The following FAN1 variants were observed in gnomAD, a reference collection of about 807,000 sequenced individuals.
FAN1 encodes FANCD2 and FANCI associated nuclease 1, also known as fanconi-associated nuclease 1.
A neutral mutation model predicts 104.9 loss-of-function variants in FAN1; 91 were observed. That is an observed-to-expected ratio of 0.87 (90% CI 0.73 to 1.03). The LOEUF is 1.03. Ranked by LOEUF, FAN1 falls within the 50% of genes least tolerant of loss-of-function variation. The probability of loss-of-function intolerance (pLI) is 0.00; values close to 1 mark genes in which losing one functional copy is unlikely to be tolerated. For synonymous variants in FAN1, 478 were observed against 457.6 expected, an observed-to-expected ratio of 1.04 and a Z score of -0.57; for missense variants, 1,263 against 1,239.9, an observed-to-expected ratio of 1.02 and a Z score of -0.28.
At chr15:30,937,383 T>C in intron 14 of FAN1, 124 bp downstream of exon 14, 1 of 865,438 alleles carries the variant, frequency 1.2e-6, no homozygotes, top group South Asian at 1.9e-5. Context: ...TTTTACAGTG[T>C]CTGCATATCA....
rs1451725167 is a variant in FAN1 at position 30,942,631 on chromosome 15, A to T, written c.*1069A>T. 2.2e-6 allele frequency: 1 copy of T among 445,564 alleles called. No homozygotes were observed. The highest frequency in any genetic ancestry group is 2.0e-5 in the African/African-American group (1 of 49,820). The allele number at this position is 445,564 out of a possible 1,614,324, so 27.6% of individuals were successfully genotyped here. ...CGGCTTGAATCATCAAGAAATGGATAAATGGGGCTTTAGTAAATCAGGCTT... is the reference window on the plus strand; with the variant it reads ...CGGCTTGAATCATCAAGAAATGGATTAATGGGGCTTTAGTAAATCAGGCTT... On this transcript the variant is annotated 3_prime_UTR_variant, in exon 15 of 15. Coordinates refer to ENST00000362065, the MANE Select transcript of FAN1 (RefSeq NM_014967.5).
At chr15:30,938,920 G>T in intron 14 of FAN1, 2 of 985,260 alleles carry the variant, frequency 2.0e-6, no homozygotes, top group Non-Finnish European at 2.4e-6. Flanking sequence ...TCCAGTAGAT[G>T]ATTTCATACT....
upstream of FAN1, chr15:30,903,898 C>A (rs2061903339): frequency 6.5e-6 from 1 of 152,718 alleles, no homozygotes; most frequent in African/African-American, 2.4e-5. Context: ...GTGGGAGGTG[C>A]GAGGTGGCCG....
Position 30,907,808 on chromosome 15 carries a change from A to G in FAN1, c.1235-310A>G, listed in dbSNP as rs186989469. Among the ~76,000 whole-genome samples, 98 of 152,294 alleles carry G rather than the reference A, an allele frequency of 6.4e-4. 1 individual carries two copies. The highest frequency in any genetic ancestry group is 3.8e-3 in the Admixed American group (58 of 15,296). On this transcript the variant is annotated intron_variant, in intron 2 of 14. Transcript: ENST00000362065. ...TTTTTTTGGAAAATTATTTCAGATT[A>G]TTTTCGATCAAATCAGAATAATGCA...
chr15:30,905,426 C>T lies in FAN1; in HGVS notation c.763C>T (p.Pro255Ser). The T allele has an allele frequency of 5.6e-6, 9 of 1,614,130 alleles. No homozygotes were observed. Among genetic ancestry groups the T allele is most frequent in the Non-Finnish European group, 7.6e-6 (9 of 1,180,008 alleles). ...GGAATGTGAGAAATCAGCCCTCACCCCTGGATTCTCAGATAATGCGATCAT... is the reference window on the plus strand; with the variant it reads ...GGAATGTGAGAAATCAGCCCTCACCTCTGGATTCTCAGATAATGCGATCAT... ...TRECEKSALT[P>S]GFSDNAIMLF... is the part of the protein sequence containing the mutation. The change falls in exon 2 of 15, where the codon CCT becomes TCT. Residue 255 changes from proline (P) to serine (S), a missense_variant. Coordinates refer to ENST00000362065, the MANE Select transcript of FAN1 (RefSeq NM_014967.5).
At position 30,905,420 on chromosome 15, in the gene FAN1, C is replaced by G; in HGVS notation, c.757C>G (p.Leu253Val). The G allele has an allele frequency of 1.7e-5, 27 of 1,614,108 alleles. No homozygotes were observed. Among genetic ancestry groups the G allele is most frequent in the Non-Finnish European group, 2.3e-5 (27 of 1,179,990 alleles). ...KATRECEKSA[L>V]TPGFSDNAIM... ...TACCCGGGAATGTGAGAAATCAGCC[C>G]TCACCCCTGGATTCTCAGATAATGC... The change falls in exon 2 of 15, where the codon CTC (leucine) becomes GTC (valine). Residue 253 changes from leucine (L) to valine (V), a missense_variant. Transcript: ENST00000362065.
At chr15:30,928,347 C>T in intron 10 of FAN1, 1 of 1,312,398 alleles carries the variant, frequency 7.6e-7, no homozygotes, top group Admixed American at 3.7e-5. Context: ...GATTTTTGCC[C>T]TTAAGGCTCT....
In FAN1 at chr15:30,905,335, G is replaced by C; in HGVS notation, c.672G>C (p.Glu224Asp). ...TTAAATGTGATTCTCTAAAGGAAGA[G>C]TGCATTCCTGAACATATGGTAAGAG... ...NVFKCDSLKE[E>D]CIPEHMVRGS... Residue 224 changes from glutamate to aspartate, a missense_variant, in exon 2 of 15, where the codon GAG (glutamate) becomes GAC (aspartate). Physicochemically the swap from Glu to Asp is conservative, Grantham distance 45. This residue lies in a region of FAN1 where 682 missense variants were observed against 571.1 expected (regional missense o/e 1.19). Coordinates refer to ENST00000362065, the MANE Select transcript of FAN1 (RefSeq NM_014967.5). 1 of 1,613,798 alleles carries C rather than the reference G, an allele frequency of 6.2e-7. No individual in the cohort carries two copies. The highest frequency in any genetic ancestry group is 8.5e-7 in the Non-Finnish European group (1 of 1,179,798).
intron 13 of FAN1, among the ~76,000 whole-genome samples, chr15:30,934,482 TC>T (rs1347585213): frequency 6.6e-6 from 1 of 152,226 alleles, no homozygotes; most frequent in Admixed American, 6.5e-5. Context: ...AACTCTTTTG[TC>T]CCTTGTCTTT....
rs1566919066 is a variant in FAN1 at position 30,918,381 on chromosome 15, A to G, written c.1943+86A>G. On this transcript the variant is annotated intron_variant, in intron 6 of 14. Transcript: ENST00000362065. ...TACAGTAATTTTCTTCATGAAGAAT[A>G]TACTCCTTTTTCTCTGTGGTTAAAC... 8.7e-6 allele frequency: 12 copies of G among 1,374,534 alleles called. No homozygotes were observed. The East Asian group carries it at 1.6e-4, about 18-fold the overall frequency. 85.1% of individuals were successfully genotyped at this position (1,374,534 alleles called of 1,614,324 possible). A position where few individuals can be genotyped will look rare whatever the true frequency, so the allele number is the denominator to read the frequency against.
chr15:30,931,549 T>C (rs901768476), intron 13 of FAN1, among the ~76,000 whole-genome samples: 3 of 152,210 alleles, frequency 2.0e-5, no homozygotes, highest in Non-Finnish European at 2.9e-5. Context: ...AGAAGTGTTA[T>C]AGTTTTAGGT....
At chr15:30,936,481 T>C (rs1300618883) in intron 13 of FAN1, among the ~76,000 whole-genome samples, 1 of 152,140 alleles carries the variant, frequency 6.6e-6, no homozygotes. Context: ...AGTGCATGCT[T>C]TAAAACAATT....
intron 14 of FAN1, chr15:30,939,326 G>A (rs1428481920): frequency 2.2e-5 from 22 of 985,340 alleles, no homozygotes; most frequent in African/African-American, 5.2e-5. Context: ...CCCTCAGCAC[G>A]GGCTCTGCTG....
intron 8 of FAN1, among the ~76,000 whole-genome samples, chr15:30,924,897 C>T (rs199702887): frequency 3.3e-5 from 5 of 152,336 alleles, no homozygotes; most frequent in South Asian, 2.1e-4. Context: ...ACCTGGATTA[C>T]AGCCCGGTCA....
intron 11 of FAN1, 48 bp downstream of exon 11, chr15:30,928,704 G>A (rs1267439473): frequency 2.7e-5 from 44 of 1,611,254 alleles, no homozygotes; most frequent in South Asian, 5.5e-5. Flanking sequence ...GCACACATCC[G>A]TGGCTCACGC....
chr15:30,930,725 C>T (rs950724823), intron 13 of FAN1, 54 bp downstream of exon 13: 1 of 1,594,914 alleles, frequency 6.3e-7, no homozygotes, highest in African/African-American at 1.3e-5. Context: ...GCAACTGAAT[C>T]AGAGGCCACA....
chr15:30,915,083 G>T (rs759231520), intron 5 of FAN1, among the ~76,000 whole-genome samples: 2 of 152,144 alleles, frequency 1.3e-5, no homozygotes, highest in Admixed American at 6.5e-5. Flanking sequence ...AATGGATAAA[G>T]AAAATGTGGT....
Position 30,942,628 on chromosome 15 carries a change from G to A in FAN1, c.*1066G>A. 2.3e-6 allele frequency: 1 copy of A among 440,438 alleles called. No individual in the cohort carries two copies. The highest frequency in any genetic ancestry group is 3.5e-5 in the East Asian group (1 of 28,256). The allele number at this position is 440,438 out of a possible 1,614,324, so 27.3% of individuals were successfully genotyped here. A position where few individuals can be genotyped will look rare whatever the true frequency, so the allele number is the denominator to read the frequency against. Reference sequence around the variant, plus strand: ...TGGCGGCTTGAATCATCAAGAAATGGATAAATGGGGCTTTAGTAAATCAGG... The same window carrying A: ...TGGCGGCTTGAATCATCAAGAAATGAATAAATGGGGCTTTAGTAAATCAGG... On this transcript the variant is annotated 3_prime_UTR_variant, in exon 15 of 15. Coordinates refer to ENST00000362065, the MANE Select transcript of FAN1 (RefSeq NM_014967.5).
At chr15:30,910,496 G>T in intron 3 of FAN1, 118 bp from the exon 4 acceptor site, 1 of 584,832 alleles carries the variant, frequency 1.7e-6, no homozygotes, top group Non-Finnish European at 2.9e-6. Flanking sequence ...TTAATGATTG[G>T]TTTGGCCAAC....
Sources: allele counts gnomAD v4.1 joint callset (sites outside exome capture counted in the v4.1 genomes callset), GRCh38; gene constraint gnomAD v4.1.1; regional missense constraint gnomAD v4.1.1; transcripts MANE v1.5; gene names NCBI Gene and HGNC (gene_info 2026-07-23, HGNC 2026-07-21).